Variants in ANKFN1 observed in about 807,000 individuals in gnomAD.
ANKFN1 encodes ankyrin repeat and fibronectin type-III domain-containing protein 1.
Under a neutral mutation model 108.7 loss-of-function variants are expected in ANKFN1, and 74 were observed. The observed-to-expected ratio is 0.68, with a 90% CI of 0.56 to 0.83. ANKFN1 has a LOEUF of 0.83. Ranked by LOEUF, ANKFN1 falls within the 40% of genes least tolerant of loss-of-function variation. The pLI is 0.00. For synonymous variants in ANKFN1, 547 were observed against 516.2 expected (o/e 1.06, Z -0.81); for missense variants, 1,505 against 1,382.3 (o/e 1.09, Z -1.41).
chr17:56,123,339 G>A (rs962284256), intron 4 of ANKFN1, among the ~76,000 whole-genome samples: 1 of 152,210 alleles, frequency 6.6e-6, no homozygotes, highest in African/African-American at 2.4e-5. Flanking sequence ...GAGAGATGGG[G>A]CTGAAACATC....
chr17:56,126,908 A>G (rs1196480823), intron 4 of ANKFN1, among the ~76,000 whole-genome samples: 1 of 152,220 alleles, frequency 6.6e-6, no homozygotes, highest in Admixed American at 6.5e-5. Flanking sequence ...GCTCTAAATC[A>G]TGGGGAGACA....
intron 4 of ANKFN1, among the ~76,000 whole-genome samples, chr17:56,328,176 A>T (rs1278700371): frequency 1.3e-5 from 2 of 152,320 alleles, no homozygotes; most frequent in African/African-American, 4.8e-5. Flanking sequence ...ACAAACATGG[A>T]AGTATTTTTT....
intron 4 of ANKFN1, among the ~76,000 whole-genome samples, chr17:56,327,233 A>G (rs556031396): frequency 6.6e-6 from 1 of 152,280 alleles, no homozygotes; most frequent in African/African-American, 2.4e-5. Context: ...GAATGTAGAA[A>G]GATCTTGCTT....
chr17:56,098,668 GTAAA>G (rs1415599096), intron 4 of ANKFN1, among the ~76,000 whole-genome samples: 3 of 152,172 alleles, frequency 2.0e-5, no homozygotes, highest in Non-Finnish European at 4.4e-5. Context: ...TACTTATTGA[GTAAA>G]TGAATGAAAG....
intron 4 of ANKFN1, among the ~76,000 whole-genome samples, chr17:56,337,326 G>A (rs2045839300): frequency 6.6e-6 from 1 of 152,208 alleles, no homozygotes; most frequent in Non-Finnish European, 1.5e-5. Context: ...GGGTATTAAA[G>A]TCTCCCATCA....
At chr17:56,404,856 T>A (rs2047871020) in intron 8 of ANKFN1, among the ~76,000 whole-genome samples, 1 of 152,236 alleles carries the variant, frequency 6.6e-6, no homozygotes, top group East Asian at 1.9e-4. Flanking sequence ...GGGTGTTACC[T>A]TGATGTAATA....
chr17:56,095,125 A>G (rs1050829781), intron 4 of ANKFN1, among the ~76,000 whole-genome samples: 18 of 151,032 alleles, frequency 1.2e-4, no homozygotes, highest in Admixed American at 2.6e-4. Context: ...ACAGATGCTA[A>G]ATATAGGGCC....
intron 4 of ANKFN1, among the ~76,000 whole-genome samples, chr17:56,119,502 A>G (rs747585795): frequency 6.6e-5 from 10 of 152,076 alleles, no homozygotes; most frequent in Non-Finnish European, 1.2e-4. Context: ...ATGGAGGCAG[A>G]AAAATGTTAT....
At chr17:56,345,344 T>G (rs2046068908) in intron 4 of ANKFN1, among the ~76,000 whole-genome samples, 2 of 152,122 alleles carry the variant, frequency 1.3e-5, no homozygotes, top group Admixed American at 6.6e-5. Flanking sequence ...ACAGTGCTAC[T>G]ATAAACATAC....
chr17:56,172,485 G>A (rs1236751975), intron 1 of ANKFN1, among the ~76,000 whole-genome samples: 3 of 152,030 alleles, frequency 2.0e-5, no homozygotes, highest in Non-Finnish European at 4.4e-5. Context: ...GGACCAGGAA[G>A]CAGCAAGCAG....
chr17:56,506,056 T>A (rs2051549971), intron 20 of ANKFN1, among the ~76,000 whole-genome samples: 1 of 152,090 alleles, frequency 6.6e-6, no homozygotes, highest in Non-Finnish European at 1.5e-5. Context: ...TTTTTTTGTT[T>A]GTTTGTTTAT....
At chr17:56,236,993 C>G (rs11869013) in intron 3 of ANKFN1, among the ~76,000 whole-genome samples, 9,100 of 152,138 alleles carry the variant, frequency 0.06, 383 homozygotes, top group Non-Finnish European at 0.091. Context: ...TTATTGAAAG[C>G]CATTTCTGCA....
Position 56,511,102 on chromosome 17 carries a change from G to A in ANKFN1, c.3274G>A (p.Val1092Met). 13 of 1,535,994 alleles carry A rather than the reference G, an allele frequency of 8.5e-6. No individual in the cohort carries two copies. The highest frequency in any genetic ancestry group is 1.4e-5 in the African/African-American group (1 of 73,172). Residue 1092 changes from valine (V) to methionine (M), a missense_variant, in exon 21 of 21, where the codon GTG (valine) becomes ATG (methionine). By Grantham distance (21) the Val-to-Met change is conservative (BLOSUM62 1). Transcript: ENST00000682825. ...GAGGCCTTCCGTCCGCCGCCTCTAC[G>A]TGGAGCCCTACGCAGCGGCCGTGGT... ...DARPSVRRLY[V>M]EPYAAAVVAQ...
intron 3 of ANKFN1, among the ~76,000 whole-genome samples, chr17:56,252,833 G>T (rs545155007): frequency 1.1e-4 from 17 of 151,792 alleles, no homozygotes; most frequent in African/African-American, 3.9e-4. Context: ...CCCCACGAGG[G>T]AGGATCACTT....
chr17:56,351,702 T>C (rs2046252858), intron 5 of ANKFN1, among the ~76,000 whole-genome samples: 1 of 152,162 alleles, frequency 6.6e-6, no homozygotes, highest in Non-Finnish European at 1.5e-5. Flanking sequence ...GTAGATGTCA[T>C]AGTGAGTTAT....
At chr17:56,071,803 A>G (rs1235148422) in intron 4 of ANKFN1, among the ~76,000 whole-genome samples, 1 of 152,226 alleles carries the variant, frequency 6.6e-6, no homozygotes, top group Non-Finnish European at 1.5e-5. Context: ...TTGCAATTTC[A>G]TAAGAAATGG....
chr17:56,154,977 C>T (rs1908964744), intron 1 of ANKFN1, among the ~76,000 whole-genome samples: 1 of 152,172 alleles, frequency 6.6e-6, no homozygotes, highest in Non-Finnish European at 1.5e-5. Flanking sequence ...CATGAAGTGA[C>T]AGAGTTTAAA....
chr17:56,226,990 C>T (rs1029486200), intron 2 of ANKFN1, among the ~76,000 whole-genome samples: 2 of 152,084 alleles, frequency 1.3e-5, no homozygotes, highest in Non-Finnish European at 2.9e-5. Flanking sequence ...GGAAAAACAT[C>T]GGTCACTGAA....
chr17:56,269,382 C>T (rs1270924729), intron 3 of ANKFN1, among the ~76,000 whole-genome samples: 1 of 152,214 alleles, frequency 6.6e-6, no homozygotes, highest in Non-Finnish European at 1.5e-5. Context: ...TTACACAGCC[C>T]TCCCAAACAA....
Sources: allele counts gnomAD v4.1 joint callset (sites outside exome capture counted in the v4.1 genomes callset), GRCh38; gene constraint gnomAD v4.1.1; transcripts MANE v1.5; gene names NCBI Gene and HGNC (gene_info 2026-07-23, HGNC 2026-07-21).